Variants in AGO1 observed in about 807,000 individuals in gnomAD.
AGO1 encodes the protein argonaute RISC component 1, also known as protein argonaute-1.
In AGO1, 11 loss-of-function variants were observed where a neutral mutation model predicts 109.2. That is an observed-to-expected ratio of 0.10 (90% CI 0.06 to 0.17). The LOEUF (loss-of-function observed/expected upper bound fraction) is 0.17, where lower values mean the gene tolerates loss of function less well. Among genes scored for constraint, AGO1 ranks in the 10% least tolerant of loss-of-function variants. The probability of loss-of-function intolerance (pLI) is 1.00; values close to 1 mark genes in which losing one functional copy is unlikely to be tolerated. For synonymous variants in AGO1, 422 were observed against 418.6 expected, an observed-to-expected ratio of 1.01 and a Z score of -0.10; for missense variants, 574 against 1,140.3, an observed-to-expected ratio of 0.50 and a Z score of 7.15.
chr1:35,913,800 A>T, intron 12 of AGO1, 42 bp from the exon 13 acceptor site: 1 of 1,598,648 alleles, frequency 6.3e-7, no homozygotes, highest in Non-Finnish European at 8.6e-7. Flanking sequence ...CATTCAGTAA[A>T]TATTTGTTGA....
chr1:35,883,444 C>T lies in AGO1; in HGVS notation c.23C>T (p.Ala8Val). ...GGGATGGAAGCGGGACCCTCGGGAG[C>T]AGGTAAGGGTCCCCAGGAGGGGGAA... Reference protein sequence around the residue: MEAGPSGAAAGAYLPPLQ... With the variant: MEAGPSGVAAGAYLPPLQ... Residue 8 changes from alanine to valine, a missense_variant and splice_region_variant, in exon 1 of 19, where the codon GCA becomes GTA. Coordinates refer to ENST00000373204, the MANE Select transcript of AGO1 (RefSeq NM_012199.5). This position sits in a 1 kb window ranked among gnomAD's most constrained non-coding sequence, Gnocchi z 5.4. 3 of 1,563,020 alleles carry T rather than the reference C, an allele frequency of 1.9e-6. No individual in the cohort carries two copies. Among genetic ancestry groups the T allele is most frequent in the South Asian group, 1.2e-5 (1 of 85,474 alleles).
Position 35,883,395 on chromosome 1 carries a change from C to A in AGO1, c.-27C>A. On this transcript the variant is annotated 5_prime_UTR_variant, in exon 1 of 19. Coordinates refer to ENST00000373204, the MANE Select transcript of AGO1 (RefSeq NM_012199.5). The surrounding 1 kb of genome is among the most constrained non-coding windows in gnomAD (Gnocchi z 5.4). The stretch of plus-strand genomic sequence containing the variant: ...ACGCTGGACTTCACAGTCTCCGGGC[C>A]GCCTGACCTCCGCACGGGTATATGG... 1 of 1,580,610 alleles carries A rather than the reference C, an allele frequency of 6.3e-7. No individual in the cohort carries two copies. Among genetic ancestry groups the A allele is most frequent in the Non-Finnish European group, 8.6e-7 (1 of 1,165,252 alleles).
rs1571382638 is a variant in AGO1 at position 35,921,006 on chromosome 1, T to C, written c.*1399T>C. 6.5e-6 allele frequency: 1 copy of C among 152,802 alleles called. No homozygotes were observed. Among genetic ancestry groups the C allele is most frequent in the African/African-American group, 2.4e-5 (1 of 41,410 alleles). 9.5% of individuals were successfully genotyped at this position (152,802 alleles called of 1,614,324 possible). ...CTGACCTGGCTAGGTAGGGAGGGGG[T>C]GGTTATCGCCCCAAGATGGGGTCCA... On this transcript the variant is annotated 3_prime_UTR_variant, in exon 19 of 19. Coordinates refer to ENST00000373204, the MANE Select transcript of AGO1 (RefSeq NM_012199.5).
At chr1:35,914,426 C>T in intron 14 of AGO1, 152 bp downstream of exon 14, 1 of 639,474 alleles carries the variant, frequency 1.6e-6, no homozygotes, top group Admixed American at 2.6e-5. Context: ...CCCTTGATAT[C>T]TCATAAAGGT....
In AGO1 at chr1:35,901,811, C is replaced by T. The variant is rs900490121; in HGVS notation, c.1141-137C>T. ...TGTGTTATTCCCTCACTTCCCTCAT[C>T]TTCCACTTTCTCTCTCTTTTTAGGA... is the stretch of plus-strand genomic sequence containing the variant. On this transcript the variant is annotated intron_variant, in intron 9 of 18. Coordinates refer to ENST00000373204, the MANE Select transcript of AGO1 (RefSeq NM_012199.5). This position sits in a 1 kb window ranked among gnomAD's most constrained non-coding sequence, Gnocchi z 4.8. 11 of 1,362,688 alleles carry T rather than the reference C, an allele frequency of 8.1e-6. No homozygotes were observed. The highest frequency in any genetic ancestry group is 1.1e-5 in the Non-Finnish European group (11 of 997,560). The allele number at this position is 1,362,688 out of a possible 1,614,324, so 84.4% of individuals were successfully genotyped here.
At position 35,876,092 on chromosome 1, in the gene AGO1, C is replaced by T. The variant is rs1644990024; in HGVS notation, c.-201+6189C>T. ...ATAAGGGTTTGGAAGACATTGATTC[C>T]AACTGTCATGGATGACTTTGAGGGG... On this transcript the variant is annotated intron_variant, in intron 1 of 18. Coordinates refer to the AGO1 transcript ENST00000373206. Among the ~76,000 whole-genome samples, 3 of 152,052 alleles carry T rather than the reference C, an allele frequency of 2.0e-5. No homozygotes were observed. The South Asian group carries it at 6.2e-4, about 31-fold the overall frequency.
rs1645797860 is a variant in AGO1 at position 35,919,733 on chromosome 1, T to C, written c.*126T>C. ...AGGGAGGAGTGTAGGATGCCTTGTT[T>C]CCTTCTATAGAGGTGGTGTAAGAGT... On this transcript the variant is annotated 3_prime_UTR_variant, in exon 19 of 19. Coordinates refer to ENST00000373204, the MANE Select transcript of AGO1 (RefSeq NM_012199.5). This position sits in a 1 kb window ranked among gnomAD's most constrained non-coding sequence, Gnocchi z 6.6. 4 of 821,422 alleles carry C rather than the reference T, an allele frequency of 4.9e-6. No homozygotes were observed. The Admixed American group carries it at 7.7e-5, about 16-fold the overall frequency. The allele number at this position is 821,422 out of a possible 1,614,324, so 50.9% of individuals were successfully genotyped here. A position where few individuals can be genotyped will look rare whatever the true frequency, so the allele number is the denominator to read the frequency against.
In AGO1 at chr1:35,893,163, C is replaced by T; in HGVS notation, c.397C>T (p.Leu133=). 6.2e-7 allele frequency: 1 copy of T among 1,614,192 alleles called. No individual in the cohort carries two copies. Among genetic ancestry groups the T allele is most frequent in the South Asian group, 1.1e-5 (1 of 91,082 alleles). The change falls in exon 4 of 19, where the codon CTA becomes TTA. Residue 133 remains leucine (L), a synonymous_variant. Transcript: ENST00000373204. The surrounding 1 kb of genome is among the most constrained non-coding windows in gnomAD (Gnocchi z 5.6). ...AATCTTTAAGGTCTCCATCAAGTGG[C>T]TAGCCATTGTGAGCTGGCGAATGCT... ...DRIFKVSIKW[L]AIVSWRMLHE...
At chr1:35,883,105 G>C, upstream of AGO1, 1 of 1,074,108 alleles carries the variant, frequency 9.3e-7, no homozygotes. The surrounding 1 kb of genome is among the most constrained non-coding windows in gnomAD (Gnocchi z 5.4). Context: ...CGCTGCCTTG[G>C]GTCCCCGGTG....
chr1:35,896,820 G>T (rs551088704), intron 8 of AGO1, among the ~76,000 whole-genome samples: 1 of 152,206 alleles, frequency 6.6e-6, no homozygotes, highest in Non-Finnish European at 1.5e-5. Context: ...AGCTACTGAT[G>T]CACATGAAGG....
chr1:35,904,742 G>C (rs1645488467), intron 11 of AGO1, among the ~76,000 whole-genome samples: 1 of 152,200 alleles, frequency 6.6e-6, no homozygotes, highest in Non-Finnish European at 1.5e-5. Flanking sequence ...ATATTTCCAA[G>C]TCATCTATAG....
At chr1:35,882,692 G>A, upstream of AGO1, 1 of 483,378 alleles carries the variant, frequency 2.1e-6, no homozygotes, top group Non-Finnish European at 2.7e-6. This position sits in a 1 kb window ranked among gnomAD's most constrained non-coding sequence, Gnocchi z 5.1. Context: ...CTACTTATCT[G>A]TGGTCTCAGC....
In AGO1 at chr1:35,893,029, C is replaced by T; in HGVS notation, c.331-68C>T. ...TTGAAAAACATGTTCTCAGCAAATC[C>T]ATGGAGTTGGGGGTCATTCTCGCAG... On this transcript the variant is annotated intron_variant, in intron 3 of 18. Coordinates refer to ENST00000373204, the MANE Select transcript of AGO1 (RefSeq NM_012199.5). This position sits in a 1 kb window ranked among gnomAD's most constrained non-coding sequence, Gnocchi z 5.6. 1 of 1,441,810 alleles carries T rather than the reference C, an allele frequency of 6.9e-7. No homozygotes were observed. Among genetic ancestry groups the T allele is most frequent in the Non-Finnish European group, 9.5e-7 (1 of 1,051,812 alleles). 89.3% of individuals were successfully genotyped at this position (1,441,810 alleles called of 1,614,324 possible). A position where few individuals can be genotyped will look rare whatever the true frequency, so the allele number is the denominator to read the frequency against.
intron 2 of AGO1, among the ~76,000 whole-genome samples, chr1:35,890,223 A>C (rs891016831): frequency 6.6e-6 from 1 of 151,938 alleles, no homozygotes; most frequent in East Asian, 1.9e-4. Context: ...GGGTTTCACT[A>C]TGTTGGCCAG....
Position 35,918,389 on chromosome 1 carries a change from T to G in AGO1, c.2231T>G (p.Phe744Cys). Residue 744 changes from phenylalanine (F) to cysteine (C), a missense_variant, in exon 17 of 19, where the codon TTT (phenylalanine) becomes TGT (cysteine). Physicochemically the swap from Phe to Cys is radical, Grantham distance 205 (BLOSUM62 -2). Around this residue, in one of 8 missense-constraint regions of AGO1, gnomAD observed 62 missense variants for 192.0 expected, o/e 0.32. Transcript: ENST00000373204. ...VDTNITHPFE[F>C]DFYLCSHAGI... ...ACCAACATCACCCACCCATTTGAGT[T>G]TGACTTCTATCTGTGCAGCCACGCA... 1 of 1,614,162 alleles carries G rather than the reference T, an allele frequency of 6.2e-7. No homozygotes were observed. The highest frequency in any genetic ancestry group is 8.5e-7 in the Non-Finnish European group (1 of 1,180,026).
intron 1 of AGO1, among the ~76,000 whole-genome samples, chr1:35,871,219 T>C (rs1644946976): frequency 6.6e-6 from 1 of 151,384 alleles, no homozygotes; most frequent in Non-Finnish European, 1.5e-5. Context: ...GTGAAATTGA[T>C]GTCTCATTGT....
intron 12 of AGO1, among the ~76,000 whole-genome samples, chr1:35,908,222 C>A (rs645383): frequency 6.6e-6 from 1 of 152,146 alleles, no homozygotes; most frequent in Non-Finnish European, 1.5e-5. Context: ...TCTCCTAAAT[C>A]TCCTCTGCAC....
chr1:35,918,464 G>A, intron 17 of AGO1, 41 bp downstream of exon 17: 3 of 1,467,248 alleles, frequency 2.0e-6, no homozygotes, highest in Non-Finnish European at 2.9e-6. Flanking sequence ...GGTCAAAGAT[G>A]AGTTGTTCAT....
Position 35,930,451 on chromosome 1 carries a change from T to G in AGO1, c.*10844T>G, listed in dbSNP as rs1359870567. The G allele has an allele frequency of 6.6e-6, 1 of 152,232 alleles. No homozygotes were observed. The highest frequency in any genetic ancestry group is 2.4e-5 in the African/African-American group (1 of 41,460). 9.4% of individuals were successfully genotyped at this position (152,232 alleles called of 1,614,324 possible). The stretch of plus-strand genomic sequence containing the variant: ...AGCTGTAGCACAGGCGGGGCCCATT[T>G]ACGCCGTGCGTTTTCACCCTGGAAA... On this transcript the variant is annotated 3_prime_UTR_variant, in exon 19 of 19. Coordinates refer to ENST00000373204, the MANE Select transcript of AGO1 (RefSeq NM_012199.5).
Sources: allele counts gnomAD v4.1 joint callset (sites outside exome capture counted in the v4.1 genomes callset), GRCh38; gene constraint gnomAD v4.1.1; regional missense constraint gnomAD v4.1.1; non-coding constraint Gnocchi (gnomAD v3.1); transcripts MANE v1.5; gene names NCBI Gene and HGNC (gene_info 2026-07-23, HGNC 2026-07-21).